The following PCLAF variants were observed in gnomAD, a reference collection of about 807,000 sequenced individuals.
PCLAF encodes the protein PCNA clamp associated factor.
In PCLAF, 12 loss-of-function variants were observed where a neutral mutation model predicts 15.1. The observed-to-expected ratio is 0.79, with a 90% CI of 0.51 to 1.29. The LOEUF (loss-of-function observed/expected upper bound fraction) is 1.29, where lower values mean the gene tolerates loss of function less well. Among genes scored for constraint, PCLAF ranks in the 50% most tolerant of loss-of-function variants. PCLAF has a pLI of 0.00. For synonymous variants in PCLAF, 33 were observed against 47.1 expected, an observed-to-expected ratio of 0.70 and a Z score of 1.22; for missense variants, 116 against 130.9, an observed-to-expected ratio of 0.89 and a Z score of 0.56.
intron 1 of PCLAF, 92 bp downstream of exon 1, chr15:64,381,234 C>T: frequency 6.7e-7 from 1 of 1,482,456 alleles, no homozygotes; most frequent in Non-Finnish European, 9.4e-7. Context: ...GTTTGGCGCA[C>T]AGGGCCCAGG....
At position 64,368,068 on chromosome 15, in the gene PCLAF, G is replaced by A. The variant is rs142019262; in HGVS notation, c.291-1993C>T. On this transcript the variant is annotated intron_variant, in intron 3 of 3. Coordinates refer to ENST00000300035, the MANE Select transcript of PCLAF (RefSeq NM_014736.6). The stretch of plus-strand genomic sequence containing the variant: ...GGTATAAGATTATCGTTGGCCCGGC[G>A]CGGTGGCTCATGCCTGTAATCCCAG... 7.9e-5 allele frequency among the ~76,000 whole-genome samples: 12 copies of A among 151,976 alleles called. No individual in the cohort carries two copies. In the East Asian group the frequency reaches 1.9e-3, roughly 25 times the overall value.
chr15:64,364,690 T>C lies in PCLAF; in HGVS notation c.*1340A>G, dbSNP rs1898961658. 1.1e-4 allele frequency: 17 copies of C among 150,224 alleles called. No homozygotes were observed. The allele number at this position is 150,224 out of a possible 1,614,324, so 9.3% of individuals were successfully genotyped here. The stretch of plus-strand genomic sequence containing the variant: ...TAAATATATATTTTTTTCTTTTCTT[T>C]CTTTTTTTTTTTTTAAGACATTGTC... On this transcript the variant is annotated 3_prime_UTR_variant, in exon 4 of 4. Coordinates refer to ENST00000300035, the MANE Select transcript of PCLAF (RefSeq NM_014736.6).
At chr15:64,368,355 C>T (rs1261885669) in intron 3 of PCLAF, among the ~76,000 whole-genome samples, 1 of 152,060 alleles carries the variant, frequency 6.6e-6, no homozygotes. Context: ...ATCATTAACT[C>T]AGTATTAGAT....
upstream of PCLAF, among the ~76,000 whole-genome samples, chr15:64,385,583 C>G (rs191544237): frequency 3.3e-4 from 50 of 151,584 alleles, no homozygotes; most frequent in Non-Finnish European, 4.6e-4. Context: ...CAAGATTGCA[C>G]TATTGCACTC....
At chr15:64,384,208 C>G (rs1419992855), upstream of PCLAF, among the ~76,000 whole-genome samples, 1 of 152,080 alleles carries the variant, frequency 6.6e-6, no homozygotes, top group Non-Finnish European at 1.5e-5. Flanking sequence ...GATCTCAGCT[C>G]AATGCAACCT....
chr15:64,385,740 G>C (rs374432513), upstream of PCLAF, among the ~76,000 whole-genome samples: 1 of 152,302 alleles, frequency 6.6e-6, no homozygotes, highest in African/African-American at 2.4e-5. Context: ...ATGTGAGTCA[G>C]TGGACTGAGT....
intron 3 of PCLAF, among the ~76,000 whole-genome samples, chr15:64,371,630 G>C (rs1899318448): frequency 6.6e-6 from 1 of 151,868 alleles, no homozygotes; most frequent in Non-Finnish European, 1.5e-5. Flanking sequence ...TTGAGACAGA[G>C]TCTCGCTCTG....
At chr15:64,387,010 C>G (rs1899956101) in intron 1 of PCLAF, among the ~76,000 whole-genome samples, 1 of 152,142 alleles carries the variant, frequency 6.6e-6, no homozygotes, top group African/African-American at 2.4e-5. Flanking sequence ...GTTGAGAACT[C>G]ATGTGGAAAG....
rs1217407764 is a variant in PCLAF, at chr15:64,365,433, A to T, written c.*597T>A. The T allele has an allele frequency of 6.5e-6, 1 of 153,154 alleles. No individual in the cohort carries two copies. Among genetic ancestry groups the T allele is most frequent in the Non-Finnish European group, 1.5e-5 (1 of 68,826 alleles). The allele number at this position is 153,154 out of a possible 1,614,324, so 9.5% of individuals were successfully genotyped here. A position where few individuals can be genotyped will look rare whatever the true frequency, so the allele number is the denominator to read the frequency against. ...CACCATGATTCTATCCTAGTATTTTATCTTTTTTCTTGTTGTTGTAGAGGC... is the reference window on the plus strand; with the variant it reads ...CACCATGATTCTATCCTAGTATTTTTTCTTTTTTCTTGTTGTTGTAGAGGC... On this transcript the variant is annotated 3_prime_UTR_variant, in exon 4 of 4. Transcript: ENST00000300035.
chr15:64,380,793 C>A (rs1297563994), intron 2 of PCLAF, among the ~76,000 whole-genome samples, 165 bp downstream of exon 2: 1 of 152,086 alleles, frequency 6.6e-6, no homozygotes, highest in African/African-American at 2.4e-5. Context: ...TGAGACCTCC[C>A]CCCCACCTCT....
chr15:64,386,916 A>AG (rs1378469101), intron 1 of PCLAF, among the ~76,000 whole-genome samples: 1 of 152,194 alleles, frequency 6.6e-6, no homozygotes, highest in Non-Finnish European at 1.5e-5. Context: ...TATGATCTCC[A>AG]GAAAAGTTTG....
intron 3 of PCLAF, among the ~76,000 whole-genome samples, chr15:64,367,298 G>A (rs1283109752): frequency 3.3e-5 from 5 of 151,584 alleles, no homozygotes; most frequent in African/African-American, 1.2e-4. Context: ...GAGGTCAGAA[G>A]TTCGAGACCA....
At chr15:64,380,380 C>T (rs1333847256) in intron 2 of PCLAF, among the ~76,000 whole-genome samples, 2 of 151,656 alleles carry the variant, frequency 1.3e-5, no homozygotes, top group Non-Finnish European at 2.9e-5. Context: ...AAGACTCTGT[C>T]TCAAAAAAAG....
chr15:64,385,548 C>T (rs1476999859), upstream of PCLAF, among the ~76,000 whole-genome samples: 1 of 151,858 alleles, frequency 6.6e-6, no homozygotes, highest in African/African-American at 2.4e-5. Flanking sequence ...TCGCTTGAAC[C>T]CGGGAGGCGG....
intron 3 of PCLAF, among the ~76,000 whole-genome samples, chr15:64,372,444 C>T (rs1297355430): frequency 6.7e-6 from 1 of 148,886 alleles, no homozygotes; most frequent in African/African-American, 2.5e-5. Flanking sequence ...GAAACCCCGT[C>T]TCTACTAAAA....
chr15:64,368,182 A>G (rs1899126639), intron 3 of PCLAF, among the ~76,000 whole-genome samples: 1 of 152,000 alleles, frequency 6.6e-6, no homozygotes, highest in Non-Finnish European at 1.5e-5. Context: ...TCTCTACTAA[A>G]AATACAAAAA....
At chr15:64,366,967 T>TAA (rs1262873453) in intron 3 of PCLAF, among the ~76,000 whole-genome samples, 2 of 138,530 alleles carry the variant, frequency 1.4e-5, no homozygotes, top group Admixed American at 7.3e-5. Context: ...AGAGCCTGTC[T>TAA]AAAAAAAAAA....
intron 3 of PCLAF, among the ~76,000 whole-genome samples, chr15:64,369,596 C>T (rs1275128438): frequency 6.6e-6 from 1 of 151,932 alleles, no homozygotes. Context: ...CACTTTGTTG[C>T]CCAGGCTGAA....
upstream of PCLAF, among the ~76,000 whole-genome samples, chr15:64,384,613 G>C (rs1036118682): frequency 2.0e-5 from 3 of 151,362 alleles, no homozygotes; most frequent in African/African-American, 7.3e-5. Flanking sequence ...ATGATGGCTG[G>C]TGCCTGTAAT....
Sources: allele counts gnomAD v4.1 joint callset (sites outside exome capture counted in the v4.1 genomes callset), GRCh38; gene constraint gnomAD v4.1.1; transcripts MANE v1.5; gene names NCBI Gene and HGNC (gene_info 2026-07-23, HGNC 2026-07-21).